SCN2A: variants seen among roughly 807,000 people sequenced by gnomAD.
SCN2A encodes the protein sodium channel protein type 2 subunit alpha.
In SCN2A, 20 loss-of-function variants were observed where a neutral mutation model predicts 188.7. The ratio of observed to expected loss-of-function variants is 0.11; its 90% CI spans 0.07 to 0.15. The LOEUF (loss-of-function observed/expected upper bound fraction) is 0.15, where lower values mean the gene tolerates loss of function less well. Ranked by LOEUF, SCN2A falls within the 10% of genes least tolerant of loss-of-function variation. The pLI is 1.00. For missense variants in SCN2A, 1,278 were observed against 2,445.0 expected (o/e 0.52, Z 10.07); for synonymous variants, 804 against 833.1 (o/e 0.97, Z 0.60).
intron 16 of SCN2A, among the ~76,000 whole-genome samples, chr2:165,349,214 T>G (rs920004643): frequency 4.6e-5 from 7 of 152,218 alleles, no homozygotes; most frequent in African/African-American, 1.7e-4. Flanking sequence ...AACAGAATCC[T>G]TTATGACAAC....
At chr2:165,242,028 G>T (rs79739496) in intron 1 of SCN2A, among the ~76,000 whole-genome samples, 1 of 152,132 alleles carries the variant, frequency 6.6e-6, no homozygotes, top group East Asian at 1.9e-4. Context: ...TGTCGGTGTT[G>T]TTGTTGCAGT....
rs761203730 is a variant in SCN2A at position 165,315,700 on chromosome 2, G to A, written c.1613G>A (p.Arg538His). ...SEDSIRRKGF[R>H]FSLEGSRLTY... ...GACAGCATAAGAAGAAAAGGTTTCCGTTTTTCCTTGGAAGGAAGTAGGCTG... is the reference window on the plus strand; with the variant it reads ...GACAGCATAAGAAGAAAAGGTTTCCATTTTTCCTTGGAAGGAAGTAGGCTG... Residue 538 changes from arginine to histidine, a missense_variant, in exon 11 of 27, where the codon CGT (arginine) becomes CAT (histidine). Coordinates refer to ENST00000375437, the MANE Select transcript of SCN2A (RefSeq NM_001040142.2). 32 of 1,613,342 alleles carry A rather than the reference G, an allele frequency of 2.0e-5. No homozygotes were observed. Among genetic ancestry groups the A allele is most frequent in the South Asian group, 4.4e-5 (4 of 90,832 alleles).
chr2:165,278,381 G>A (rs915146696), intron 1 of SCN2A, among the ~76,000 whole-genome samples: 1 of 152,166 alleles, frequency 6.6e-6, no homozygotes, highest in Non-Finnish European at 1.5e-5. Flanking sequence ...AAGGCAAAGA[G>A]GAGGCAAGGC....
At chr2:165,306,502 TTTTG>T (rs1390111917) in intron 3 of SCN2A, among the ~76,000 whole-genome samples, 6 of 118,732 alleles carry the variant, frequency 5.1e-5, no homozygotes, top group Admixed American at 1.0e-4. Context: ...TGAAATGGTA[TTTTG>T]TGTGTGTGTG....
At chr2:165,379,589 C>T (rs2105382650) in intron 23 of SCN2A, among the ~76,000 whole-genome samples, 2 of 151,778 alleles carry the variant, frequency 1.3e-5, no homozygotes, top group South Asian at 2.1e-4. Flanking sequence ...TATGCACTTT[C>T]CTGTATGTAT....
chr2:165,339,137 C>T (rs1248745176), intron 14 of SCN2A, among the ~76,000 whole-genome samples: 6 of 151,904 alleles, frequency 3.9e-5, no homozygotes, highest in Non-Finnish European at 8.8e-5. Context: ...AGGAGAATTG[C>T]TTGAACCCGG....
chr2:165,260,577 G>A (rs1222752528), intron 1 of SCN2A, among the ~76,000 whole-genome samples: 1 of 152,100 alleles, frequency 6.6e-6, no homozygotes, highest in Admixed American at 6.6e-5. Context: ...GGCTTCAACT[G>A]AAAGTCACCA....
chr2:165,289,363 A>G (rs1418065723), intron 1 of SCN2A, among the ~76,000 whole-genome samples: 2 of 152,192 alleles, frequency 1.3e-5, no homozygotes, highest in Admixed American at 6.5e-5. Flanking sequence ...GGAAAAGAGT[A>G]TCGAAAGGAA....
Position 165,317,390 on chromosome 2 carries a change from G to A in SCN2A, c.1671+1632G>A, listed in dbSNP as rs1342745885. Among the ~76,000 whole-genome samples, 9 of 150,398 alleles carry A rather than the reference G, an allele frequency of 6.0e-5. No individual in the cohort carries two copies. The South Asian group carries it at 1.5e-3, about 25-fold the overall frequency. Reference sequence around the variant, plus strand: ...AGGGAGGGGGGAGAGAGAGAGAGAGGAAAAAAGGGAGCAAAGGAGGGAGGA... The same window carrying A: ...AGGGAGGGGGGAGAGAGAGAGAGAGAAAAAAAGGGAGCAAAGGAGGGAGGA... On this transcript the variant is annotated intron_variant, in intron 11 of 26. Coordinates refer to ENST00000375437, the MANE Select transcript of SCN2A (RefSeq NM_001040142.2).
chr2:165,260,024 G>A (rs1694508648), intron 1 of SCN2A, among the ~76,000 whole-genome samples: 1 of 146,350 alleles, frequency 6.8e-6, no homozygotes, highest in Admixed American at 7.0e-5. Context: ...GCTCGCTGCA[G>A]GCTCCATCTT....
Position 165,311,834 on chromosome 2 carries a change from T to TG in SCN2A, c.971-191_971-190insG, listed in dbSNP as rs1376558103. Among the ~76,000 whole-genome samples, 5 of 152,292 alleles carry TG rather than the reference T, an allele frequency of 3.3e-5. No homozygotes were observed. The East Asian group carries it at 9.6e-4, about 29-fold the overall frequency. ...CTTTTTAACATAGATTTGCTAACCA[T>TG]TTGTATAATCAAAAATGTTATATAT... On this transcript the variant is annotated intron_variant, in intron 7 of 26. Coordinates refer to ENST00000375437, the MANE Select transcript of SCN2A (RefSeq NM_001040142.2).
At chr2:165,348,077 T>C (rs1006423896) in intron 16 of SCN2A, among the ~76,000 whole-genome samples, 7 of 152,086 alleles carry the variant, frequency 4.6e-5, no homozygotes, top group Non-Finnish European at 4.4e-5. Context: ...TATATACTCT[T>C]GCCAGGCTCA....
intron 16 of SCN2A, among the ~76,000 whole-genome samples, chr2:165,346,704 C>A (rs1040020728): frequency 4.7e-4 from 72 of 151,876 alleles, no homozygotes; most frequent in African/African-American, 1.6e-3. Flanking sequence ...TGCAATCTAT[C>A]CATCTAATAT....
chr2:165,253,181 T>C (rs993893845), intron 1 of SCN2A, among the ~76,000 whole-genome samples: 2 of 152,104 alleles, frequency 1.3e-5, no homozygotes, highest in African/African-American at 4.8e-5. Flanking sequence ...CAGAAGATGA[T>C]TTCACTGGTT....
intron 4 of SCN2A, 84 bp from the exon 5 acceptor site, chr2:165,308,582 G>C: frequency 6.8e-7 from 1 of 1,477,404 alleles, no homozygotes; most frequent in African/African-American, 1.4e-5. Context: ...TCTAATTTTT[G>C]TTTGCTGTTT....
rs147196350 is a variant in SCN2A at position 165,348,568 on chromosome 2, AT to A, written c.2919+3658del. On this transcript the variant is annotated intron_variant, in intron 16 of 26. Coordinates refer to ENST00000375437, the MANE Select transcript of SCN2A (RefSeq NM_001040142.2). ...TAACAAGAAACATAAACAGTGTACA[AT>A]CTAGAATTATAAACAGTGGCTTAAA... is the stretch of plus-strand genomic sequence containing the variant. Among the ~76,000 whole-genome samples, 946 of 152,326 alleles carry A rather than the reference AT, an allele frequency of 6.2e-3. 40 individuals are homozygous for A. In the East Asian group the frequency reaches 0.096, roughly 15 times the overall value.
intron 1 of SCN2A, among the ~76,000 whole-genome samples, chr2:165,281,786 C>A (rs1014050267): frequency 2.0e-5 from 3 of 152,186 alleles, no homozygotes; most frequent in African/African-American, 4.8e-5. Flanking sequence ...TGGGCAGCCA[C>A]ACAAGGCTCC....
chr2:165,371,681 A>C (rs2105367987), intron 20 of SCN2A: 2 of 152,296 alleles, frequency 1.3e-5, no homozygotes, highest in South Asian at 4.1e-4. Flanking sequence ...TAAGAAAGAT[A>C]AGTTAGAAAA....
chr2:165,297,369 C>T (rs911400011), intron 3 of SCN2A, among the ~76,000 whole-genome samples: 2 of 152,172 alleles, frequency 1.3e-5, no homozygotes, highest in Admixed American at 1.3e-4. Flanking sequence ...CTTCTCTTTT[C>T]TTCTCCCTTA....
Sources: allele counts gnomAD v4.1 joint callset (sites outside exome capture counted in the v4.1 genomes callset), GRCh38; gene constraint gnomAD v4.1.1; transcripts MANE v1.5; gene names NCBI Gene and HGNC (gene_info 2026-07-23, HGNC 2026-07-21).